The following ZFHX3 variants were observed in gnomAD, a reference collection of about 807,000 sequenced individuals.
The protein encoded by ZFHX3 is zinc finger homeobox protein 3.
In ZFHX3, 42 loss-of-function variants were observed where a neutral mutation model predicts 279.1. That is an observed-to-expected ratio of 0.15 (90% CI 0.12 to 0.19). The LOEUF (loss-of-function observed/expected upper bound fraction) is 0.19, where lower values mean the gene tolerates loss of function less well. Among genes scored for constraint, ZFHX3 ranks in the 10% least tolerant of loss-of-function variants. The pLI is 1.00. For synonymous variants in ZFHX3, 2,293 were observed against 1,957.8 expected (o/e 1.17, Z -4.52); for missense variants, 4,981 against 4,754.0 (o/e 1.05, Z -1.40).
chr16:73,580,730 C>G, intron 2 of ZFHX3, among the ~76,000 whole-genome samples: 1 of 151,690 alleles, frequency 6.6e-6, no homozygotes, highest in East Asian at 1.9e-4. Context: ...CTGTCAAGCA[C>G]TCCCCTGCCA....
At chr16:73,430,398 C>T (rs183779014) in intron 3 of ZFHX3, among the ~76,000 whole-genome samples, 12 of 152,286 alleles carry the variant, frequency 7.9e-5, no homozygotes, top group African/African-American at 2.6e-4. Context: ...ATTTCCTCCA[C>T]TAAACCTGGC....
intron 1 of ZFHX3, among the ~76,000 whole-genome samples, chr16:73,760,220 T>G (rs577594021): frequency 2.0e-5 from 3 of 152,060 alleles, no homozygotes; most frequent in Admixed American, 1.3e-4. Context: ...CACATAAGCT[T>G]TCCCAAGACT....
chr16:73,378,324 C>T (rs2016760428), intron 3 of ZFHX3, among the ~76,000 whole-genome samples: 1 of 152,104 alleles, frequency 6.6e-6, no homozygotes, highest in South Asian at 2.1e-4. Context: ...CTTGATAACA[C>T]ATAAAGCTAA....
rs1054184911 is a variant in ZFHX3, at chr16:73,720,343, A to T, written c.-1607-40103T>A. ...GGGAATTGATCATAAACATCACAAA[A>T]ATTACCTATAGATGTATGTATGAAG... On this transcript the variant is annotated intron_variant, in intron 1 of 17. Transcript: ENST00000641206. 5.9e-5 allele frequency among the ~76,000 whole-genome samples: 9 copies of T among 152,284 alleles called. 1 individual carries two copies. Among genetic ancestry groups the T allele is most frequent in the Admixed American group, 3.9e-4 (6 of 15,308 alleles).
chr16:73,178,930 C>A (rs1408433097), intron 5 of ZFHX3, among the ~76,000 whole-genome samples: 2 of 152,194 alleles, frequency 1.3e-5, no homozygotes, highest in African/African-American at 4.8e-5. Flanking sequence ...TTATATGAAG[C>A]ACTGTTTAGT....
chr16:73,028,781 GC>G (rs202044275), intron 1 of ZFHX3, among the ~76,000 whole-genome samples: 1 of 129,072 alleles, frequency 7.7e-6, no homozygotes, highest in Non-Finnish European at 1.6e-5. Context: ...CCCTCCCACA[GC>G]CCCGGGGCAC....
At chr16:73,106,189 C>T (rs1966302127) in intron 7 of ZFHX3, among the ~76,000 whole-genome samples, 1 of 152,142 alleles carries the variant, frequency 6.6e-6, no homozygotes, top group Non-Finnish European at 1.5e-5. Context: ...AGCGCAAGAT[C>T]TAGGAGCAAG....
chr16:73,187,264 GTTCATT>G (rs1967934377), intron 5 of ZFHX3, among the ~76,000 whole-genome samples: 1 of 151,572 alleles, frequency 6.6e-6, no homozygotes, highest in Admixed American at 6.6e-5. Context: ...CTTATTTCCA[GTTCATT>G]CTTATCAGAA....
intron 5 of ZFHX3, chr16:73,144,333 T>C (rs980420527): frequency 3.3e-5 from 5 of 153,174 alleles, no homozygotes; most frequent in Non-Finnish European, 5.8e-5. Context: ...CCTCTTTCCC[T>C]GGGTAGCTGC....
At chr16:73,217,146 G>A (rs1401560809) in intron 5 of ZFHX3, among the ~76,000 whole-genome samples, 1 of 152,210 alleles carries the variant, frequency 6.6e-6, no homozygotes, top group Non-Finnish European at 1.5e-5. Flanking sequence ...TTACAGATGA[G>A]TCAGAGGGAG....
In ZFHX3 at chr16:73,478,417, A is replaced by G. The variant is rs548605673; in HGVS notation, c.-1546-22159T>C. ...CTTCCCTGCTAGTTTATTTTAATGC[A>G]GTAATAAATAACAGCACTTTGTTAA... On this transcript the variant is annotated intron_variant, in intron 2 of 17. Transcript: ENST00000641206. Among the ~76,000 whole-genome samples, 44 of 152,290 alleles carry G rather than the reference A, an allele frequency of 2.9e-4. 1 individual carries two copies. In the South Asian group the frequency reaches 8.7e-3, roughly 30 times the overall value.
chr16:72,871,342 A>AT (rs539356987), intron 4 of ZFHX3, among the ~76,000 whole-genome samples: 12,267 of 119,166 alleles, frequency 0.1, 705 homozygotes, highest in African/African-American at 0.15. Flanking sequence ...TGCCCGGCTA[A>AT]TTTTTTTTTT....
upstream of ZFHX3, chr16:73,061,983 G>C (rs1218835299): frequency 6.6e-6 from 1 of 151,972 alleles, no homozygotes; most frequent in Non-Finnish European, 1.5e-5. Context: ...ATTTTACTGA[G>C]TGAATTCGTT....
chr16:72,932,237 T>C (rs1046020740), intron 3 of ZFHX3, among the ~76,000 whole-genome samples: 7 of 152,028 alleles, frequency 4.6e-5, no homozygotes, highest in African/African-American at 1.7e-4. Context: ...AACAAACAAA[T>C]ACTGAAACCT....
chr16:72,929,733 G>A (rs541377818), intron 3 of ZFHX3, among the ~76,000 whole-genome samples: 3 of 152,230 alleles, frequency 2.0e-5, no homozygotes, highest in African/African-American at 4.8e-5. Flanking sequence ...CTCATTAACC[G>A]AAACACATTA....
intron 2 of ZFHX3, among the ~76,000 whole-genome samples, chr16:73,610,831 G>C (rs555678894): frequency 9.8e-5 from 15 of 152,334 alleles, no homozygotes; most frequent in African/African-American, 3.1e-4. Flanking sequence ...TTTTGGCTTA[G>C]ATACATAGAT....
chr16:72,817,105 G>A (rs929080247), intron 5 of ZFHX3, among the ~76,000 whole-genome samples: 1 of 152,234 alleles, frequency 6.6e-6, no homozygotes, highest in African/African-American at 2.4e-5. Context: ...TGTGTAGGAA[G>A]TGACTTACTT....
intron 1 of ZFHX3, among the ~76,000 whole-genome samples, chr16:73,799,977 A>G (rs1960096645): frequency 6.6e-6 from 1 of 152,198 alleles, no homozygotes. Flanking sequence ...GATCTCCCCG[A>G]GATCAGCCTA....
At chr16:73,125,001 C>G (rs79101996) in intron 7 of ZFHX3, among the ~76,000 whole-genome samples, 2 of 152,070 alleles carry the variant, frequency 1.3e-5, no homozygotes, top group African/African-American at 2.4e-5. Context: ...AATCAGCCTC[C>G]TGTGGCAAAA....
Sources: gnomAD v4.1 joint callset for allele counts (sites outside exome capture counted in the v4.1 genomes callset) on GRCh38, gnomAD v4.1.1 for gene constraint, MANE v1.5 for transcripts, NCBI Gene and HGNC (gene_info 2026-07-23, HGNC 2026-07-21) for gene names.